PHKB: variants seen among roughly 807,000 people sequenced by gnomAD.
PHKB encodes the protein phosphorylase kinase regulatory subunit beta.
PHKB carries 122 observed loss-of-function variants against 152.1 expected under a neutral mutation model. That is an observed-to-expected ratio of 0.80 (90% CI 0.69 to 0.93). The LOEUF is 0.93. PHKB is among the 40% of genes least tolerant of loss of function. The pLI, the probability that PHKB is intolerant of heterozygous loss-of-function variation, is 0.00. For synonymous variants in PHKB, 436 were observed against 464.9 expected, an observed-to-expected ratio of 0.94 and a Z score of 0.80; for missense variants, 1,304 against 1,328.4, an observed-to-expected ratio of 0.98 and a Z score of 0.29.
rs1972071088 is a variant in PHKB at position 47,593,701 on chromosome 16, C to T, written c.1126+144C>T. 3 of 669,102 alleles carry T rather than the reference C, an allele frequency of 4.5e-6. No homozygotes were observed. In the East Asian group the frequency reaches 8.3e-5, roughly 18 times the overall value. 41.4% of individuals were successfully genotyped at this position (669,102 alleles called of 1,614,324 possible). A position where few individuals can be genotyped will look rare whatever the true frequency, so the allele number is the denominator to read the frequency against. On this transcript the variant is annotated intron_variant, in intron 11 of 30. Coordinates refer to ENST00000323584, the MANE Select transcript of PHKB (RefSeq NM_000293.3). ...ACTGCGCTTCAGTGATGTTAATTGC[C>T]CTGCATTTGTATATACTACTCTTTT...
intron 1 of PHKB, among the ~76,000 whole-genome samples, chr16:47,484,600 A>G (rs1970019792): frequency 6.6e-6 from 1 of 152,182 alleles, no homozygotes; most frequent in Non-Finnish European, 1.5e-5. Context: ...GTTTCATAGT[A>G]TAAGGAAAAG....
intron 1 of PHKB, among the ~76,000 whole-genome samples, chr16:47,469,201 T>A (rs1023978665): frequency 6.6e-6 from 1 of 152,170 alleles, no homozygotes; most frequent in Non-Finnish European, 1.5e-5. Flanking sequence ...TCATATAATA[T>A]CTATCACACT....
intron 14 of PHKB, among the ~76,000 whole-genome samples, chr16:47,621,391 T>A (rs1227177548): frequency 6.6e-6 from 1 of 152,216 alleles, no homozygotes; most frequent in African/African-American, 2.4e-5. Context: ...AATATGGACT[T>A]GTAGCGATTT....
chr16:47,640,942 TA>T, intron 14 of PHKB, 92 bp from the exon 15 acceptor site: 1 of 1,188,690 alleles, frequency 8.4e-7, no homozygotes, highest in South Asian at 1.2e-5. Flanking sequence ...ATGAACTGCT[TA>T]GAGATGGTTA....
rs536565635 is a variant in PHKB at position 47,641,196 on chromosome 16, A to C, written c.1514+106A>C. Reference sequence around the variant, plus strand: ...GATTATGGTAGAAGAGATTAACTTCAGAAACTCCTTTACAGGCTTTCAAGG... The same window carrying C: ...GATTATGGTAGAAGAGATTAACTTCCGAAACTCCTTTACAGGCTTTCAAGG... On this transcript the variant is annotated intron_variant, in intron 15 of 30. Transcript: ENST00000323584. 9 of 856,876 alleles carry C rather than the reference A, an allele frequency of 1.1e-5. 1 individual carries two copies. The East Asian group carries it at 2.0e-4, about 19-fold the overall frequency. 53.1% of individuals were successfully genotyped at this position (856,876 alleles called of 1,614,324 possible).
intron 12 of PHKB, among the ~76,000 whole-genome samples, chr16:47,595,545 T>C (rs1972104028): frequency 6.6e-6 from 1 of 152,202 alleles, no homozygotes; most frequent in African/African-American, 2.4e-5. Flanking sequence ...TCGGTGATAT[T>C]GAATGGTAGA....
At chr16:47,544,842 A>G (rs924149481) in intron 6 of PHKB, among the ~76,000 whole-genome samples, 1 of 152,156 alleles carries the variant, frequency 6.6e-6, no homozygotes, top group Non-Finnish European at 1.5e-5. Flanking sequence ...CTTTACCATT[A>G]TGTAATGGCC....
chr16:47,469,167 G>A (rs1969720862), intron 1 of PHKB, among the ~76,000 whole-genome samples: 1 of 152,098 alleles, frequency 6.6e-6, no homozygotes, highest in Non-Finnish European at 1.5e-5. Context: ...AAGAGTGCCT[G>A]GAACATAAAA....
chr16:47,570,277 A>G (rs984046388), intron 7 of PHKB, among the ~76,000 whole-genome samples: 3 of 152,280 alleles, frequency 2.0e-5, no homozygotes, highest in Non-Finnish European at 2.9e-5. Flanking sequence ...CCTTTTTTCA[A>G]TGAATCTCCC....
At chr16:47,560,640 G>A (rs1971459928) in intron 7 of PHKB, among the ~76,000 whole-genome samples, 2 of 152,202 alleles carry the variant, frequency 1.3e-5, no homozygotes, top group African/African-American at 4.8e-5. Flanking sequence ...TTTCATGAAT[G>A]TGCAAAGACA....
At chr16:47,620,597 C>T (rs1047820332) in intron 14 of PHKB, among the ~76,000 whole-genome samples, 16 of 152,102 alleles carry the variant, frequency 1.1e-4, no homozygotes, top group African/African-American at 1.4e-4. Context: ...ATGTTCTGGC[C>T]GGGCATGGTG....
chr16:47,643,496 T>C (rs1973062202), intron 16 of PHKB, among the ~76,000 whole-genome samples: 1 of 152,234 alleles, frequency 6.6e-6, no homozygotes, highest in Non-Finnish European at 1.5e-5. Flanking sequence ...TGACTTGCAA[T>C]TTTGGTGTAG....
At chr16:47,587,185 C>T (rs1258817970) in intron 8 of PHKB, among the ~76,000 whole-genome samples, 5 of 152,030 alleles carry the variant, frequency 3.3e-5, no homozygotes, top group African/African-American at 1.2e-4. Context: ...AGATTAGTTG[C>T]TTTATTGTTA....
chr16:47,647,461 C>T (rs1015974427), intron 16 of PHKB, among the ~76,000 whole-genome samples: 3 of 151,420 alleles, frequency 2.0e-5, no homozygotes, highest in African/African-American at 7.3e-5. Flanking sequence ...ATCATTTCAA[C>T]ATTGAAATGT....
chr16:47,488,091 C>G (rs770405545), intron 1 of PHKB, among the ~76,000 whole-genome samples: 19 of 152,220 alleles, frequency 1.2e-4, no homozygotes, highest in Non-Finnish European at 5.9e-5. Flanking sequence ...CGCAGCTTTG[C>G]CAGCATCTGT....
rs143837874 is a variant in PHKB at position 47,464,239 on chromosome 16, C to T, written c.76+2813C>T. ...CTGCCCCGATATTTGCAAGCAGAGG[C>T]AGTTCCTTAGTGTCTGGGAGCTCCC... is the stretch of plus-strand genomic sequence containing the variant. On this transcript the variant is annotated intron_variant, in intron 1 of 30. Transcript: ENST00000323584. 1.7e-5 allele frequency: 9 copies of T among 524,992 alleles called. No homozygotes were observed. The East Asian group carries it at 3.0e-4, about 18-fold the overall frequency. The allele number at this position is 524,992 out of a possible 1,614,324, so 32.5% of individuals were successfully genotyped here. A position where few individuals can be genotyped will look rare whatever the true frequency, so the allele number is the denominator to read the frequency against.
chr16:47,575,841 C>T (rs924816917), intron 7 of PHKB, among the ~76,000 whole-genome samples: 1 of 152,134 alleles, frequency 6.6e-6, no homozygotes, highest in Admixed American at 6.5e-5. Context: ...CTTTGGGAGG[C>T]CGAGACAGGC....
upstream of PHKB, chr16:47,461,299 A>G: frequency 6.8e-7 from 1 of 1,463,578 alleles, no homozygotes; most frequent in African/African-American, 1.4e-5. Flanking sequence ...GTGGCCCGGC[A>G]TTGCTGACAG....
In PHKB at chr16:47,669,317, G is replaced by GATA. The variant is rs1282670462; in HGVS notation, c.2531_2532insTAA (p.Glu844delinsAspLys). 1.2e-6 allele frequency: 2 copies of GATA among 1,613,928 alleles called. No homozygotes were observed. The highest frequency in any genetic ancestry group is 2.7e-5 in the African/African-American group (2 of 74,920). ...CTATTATAAGTGTAACACCCATGATGAGAGGGAAGCGGTCATTCAGCAAGA... is the reference window on the plus strand; with the variant it reads ...CTATTATAAGTGTAACACCCATGATGATAAGAGGGAAGCGGTCATTCAGCAAGA... On this transcript the variant is annotated protein_altering_variant, in exon 26 of 31. Transcript: ENST00000323584.
Sources: allele counts gnomAD v4.1 joint callset (sites outside exome capture counted in the v4.1 genomes callset), GRCh38; gene constraint gnomAD v4.1.1; transcripts MANE v1.5; gene names NCBI Gene and HGNC (gene_info 2026-07-23, HGNC 2026-07-21).